The following TMPRSS15 variants were observed in gnomAD, a reference collection of about 807,000 sequenced individuals.
The protein encoded by TMPRSS15 is transmembrane serine protease 15.
A neutral mutation model predicts 125.3 loss-of-function variants in TMPRSS15; 128 were observed. The ratio of observed to expected loss-of-function variants is 1.02; its 90% confidence interval spans 0.89 to 1.18. The LOEUF (loss-of-function observed/expected upper bound fraction) is 1.18, where lower values mean the gene tolerates loss of function less well. Ranked by LOEUF, TMPRSS15 falls within the 50% of genes most tolerant of loss-of-function variation. The probability of loss-of-function intolerance (pLI) is 0.00; values close to 1 mark genes in which losing one functional copy is unlikely to be tolerated. For synonymous variants in TMPRSS15, 446 were observed against 423.2 expected (o/e 1.05, Z -0.66); for missense variants, 1,283 against 1,212.7 (o/e 1.06, Z -0.86).
rs73895634 is a variant in TMPRSS15 at position 18,475,045 on chromosome 21, C to T, written c.10+10754G>A. On this transcript the variant is annotated intron_variant, in intron 1 of 7. Coordinates refer to the TMPRSS15 transcript ENST00000422787. ...CCCACTTCAGTATTCTCCCTCATAA[C>T]GACACTTTTAACATTATTTCTAGGA... 3.3e-3 allele frequency among the ~76,000 whole-genome samples: 504 copies of T among 152,266 alleles called. 1 individual carries two copies. Among genetic ancestry groups the T allele is most frequent in the African/African-American group, 0.012 (488 of 41,562 alleles).
chr21:18,364,180 T>C (rs1331670798), intron 7 of TMPRSS15, among the ~76,000 whole-genome samples: 2 of 152,044 alleles, frequency 1.3e-5, no homozygotes, highest in African/African-American at 2.4e-5. Flanking sequence ...AATATAATCA[T>C]CAATATCAAT....
intron 17 of TMPRSS15, 31 bp downstream of exon 17, chr21:18,315,115 A>G (rs2075147743): frequency 1.3e-6 from 2 of 1,554,210 alleles, no homozygotes; most frequent in African/African-American, 1.4e-5. Flanking sequence ...GGCTAAAGTC[A>G]TAAAAGTATT....
chr21:18,351,628 C>A (rs1300643958), intron 10 of TMPRSS15, among the ~76,000 whole-genome samples: 1 of 152,162 alleles, frequency 6.6e-6, no homozygotes, highest in Non-Finnish European at 1.5e-5. Flanking sequence ...TATAAGTGTC[C>A]TGAGACCTCC....
At chr21:18,467,593 T>C (rs985250433) in intron 1 of TMPRSS15, among the ~76,000 whole-genome samples, 1 of 151,930 alleles carries the variant, frequency 6.6e-6, no homozygotes. Flanking sequence ...TTTAAAAAAT[T>C]GTCTGACTTG....
Position 18,398,298 on chromosome 21 carries a change from T to A in TMPRSS15, c.177A>T (p.Arg59Ser), listed in dbSNP as rs2076059729. ...CTCCGGATGTTATTTTAAATGTCGC[T>A]CTGGCTTCATGACTCTGTCCAAGTG... ...GAALGQSHEA[R>S]ATFKITSGVT... The change falls in exon 2 of 25, where the codon AGA becomes AGT. Residue 59 changes from arginine (R) to serine (S), a missense_variant. By Grantham distance (110) the Arg-to-Ser change is moderately radical. Transcript: ENST00000284885. The A allele has an allele frequency of 1.2e-6, 2 of 1,613,734 alleles. No individual in the cohort carries two copies. Among genetic ancestry groups the A allele is most frequent in the Admixed American group, 1.7e-5 (1 of 59,998 alleles).
intron 1 of TMPRSS15, among the ~76,000 whole-genome samples, chr21:18,414,936 T>C (rs1308449013): frequency 1.3e-5 from 2 of 152,158 alleles, no homozygotes; most frequent in African/African-American, 4.8e-5. Flanking sequence ...AGGACCTCCG[T>C]ACTGTTTTCC....
chr21:18,281,634 A>G (rs2074699258), intron 21 of TMPRSS15, among the ~76,000 whole-genome samples: 1 of 152,140 alleles, frequency 6.6e-6, no homozygotes, highest in Non-Finnish European at 1.5e-5. Context: ...TTGTGCTACT[A>G]TATATAATAT....
rs1568977885 is a variant in TMPRSS15 at position 18,279,009 on chromosome 21, C to T, written c.2719G>A (p.Gly907Arg). Residue 907 changes from glycine (G) to arginine (R), a missense_variant, in exon 23 of 25, where the codon GGA (glycine) becomes AGA (arginine). Transcript: ENST00000284885. ...LPEENQVFPPGRNCSIAGWGT... is the reference protein window; with the variant it reads ...LPEENQVFPPRRNCSIAGWGT... Reference sequence around the variant, plus strand: ...CAACCAGCAATAGAACAATTTCTTCCTGGAGGAAAAACTTGATTTTCTTCC... The same window carrying T: ...CAACCAGCAATAGAACAATTTCTTCTTGGAGGAAAAACTTGATTTTCTTCC... 1 of 1,583,578 alleles carries T rather than the reference C, an allele frequency of 6.3e-7. No individual in the cohort carries two copies. Among genetic ancestry groups the T allele is most frequent in the South Asian group, 1.1e-5 (1 of 90,136 alleles).
upstream of TMPRSS15, among the ~76,000 whole-genome samples, chr21:18,405,658 C>T (rs2076148374): frequency 6.6e-6 from 1 of 152,126 alleles, no homozygotes; most frequent in Admixed American, 6.5e-5. Context: ...AAGAGTGGCT[C>T]TTCAATACAT....
intron 22 of TMPRSS15, among the ~76,000 whole-genome samples, chr21:18,280,090 T>C (rs924315894): frequency 2.0e-5 from 3 of 152,134 alleles, no homozygotes; most frequent in African/African-American, 7.2e-5. Context: ...TCAAACCCCA[T>C]GAAAACACAG....
At chr21:18,290,618 T>C (rs2074822379) in intron 21 of TMPRSS15, among the ~76,000 whole-genome samples, 1 of 152,030 alleles carries the variant, frequency 6.6e-6, no homozygotes, top group South Asian at 2.1e-4. Flanking sequence ...GAAAAAAGTG[T>C]AGCATCCAGA....
Position 18,281,029 on chromosome 21 carries a change from T to C in TMPRSS15, c.2668+11A>G, listed in dbSNP as rs1405988334. 1.9e-6 allele frequency: 3 copies of C among 1,613,172 alleles called. No homozygotes were observed. In the Admixed American group the frequency reaches 5.0e-5, roughly 27 times the overall value. ...CAGATAAGATGACTAAGAGTGATTT[T>C]TTTTTTTTACCTGTGTAATTCACTT... On this transcript the variant is annotated intron_variant, in intron 22 of 24. Coordinates refer to ENST00000284885, the MANE Select transcript of TMPRSS15 (RefSeq NM_002772.3).
At chr21:18,270,173 C>A in intron 24 of TMPRSS15, 49 bp from the exon 25 acceptor site, 2 of 1,472,098 alleles carry the variant, frequency 1.4e-6, no homozygotes, top group Non-Finnish European at 1.9e-6. Context: ...GTCAATTGAT[C>A]GAAACATATA....
chr21:18,279,489 C>G (rs9983629), intron 22 of TMPRSS15, among the ~76,000 whole-genome samples: 2 of 150,560 alleles, frequency 1.3e-5, no homozygotes, highest in East Asian at 3.9e-4. Context: ...CCACGCCTGG[C>G]TAATTTTTTT....
intron 21 of TMPRSS15, 134 bp from the exon 22 acceptor site, chr21:18,281,355 TA>T: frequency 1.2e-6 from 1 of 808,794 alleles, no homozygotes; most frequent in Non-Finnish European, 2.0e-6. Flanking sequence ...AATCATCCTT[TA>T]AAAATATTCT....
At chr21:18,389,544 T>C (rs1264662793) in intron 3 of TMPRSS15, among the ~76,000 whole-genome samples, 1 of 152,172 alleles carries the variant, frequency 6.6e-6, no homozygotes, top group Non-Finnish European at 1.5e-5. Flanking sequence ...ATAGTGAATT[T>C]GCCACTTAGA....
At chr21:18,471,024 A>G (rs143712929) in intron 1 of TMPRSS15, among the ~76,000 whole-genome samples, 335 of 152,120 alleles carry the variant, frequency 2.2e-3, no homozygotes, top group African/African-American at 7.8e-3. Context: ...ATTACCCATG[A>G]TAGTTGATAT....
In TMPRSS15 at chr21:18,343,502, A is replaced by C. The variant is rs759018607; in HGVS notation, c.1428+4T>G. 1 of 1,604,236 alleles carries C rather than the reference A, an allele frequency of 6.2e-7. No homozygotes were observed. Among genetic ancestry groups the C allele is most frequent in the Non-Finnish European group, 8.5e-7 (1 of 1,171,926 alleles). Reference sequence around the variant, plus strand: ...AAATATAAATAATAAAGTATTTTGCAAACCTTAAATTTAACTGTTTCATTT... The same window carrying C: ...AAATATAAATAATAAAGTATTTTGCCAACCTTAAATTTAACTGTTTCATTT... On this transcript the variant is annotated splice_donor_region_variant and intron_variant, in intron 12 of 24. Coordinates refer to ENST00000284885, the MANE Select transcript of TMPRSS15 (RefSeq NM_002772.3).
At chr21:18,297,663 G>C (rs1409694864) in intron 19 of TMPRSS15, 71 bp downstream of exon 19, 2 of 1,144,856 alleles carry the variant, frequency 1.7e-6, no homozygotes, top group Non-Finnish European at 2.6e-6. Flanking sequence ...ATTCAAATCT[G>C]ACTGGCTTCA....
Sources: gnomAD v4.1 joint callset for allele counts (sites outside exome capture counted in the v4.1 genomes callset) on GRCh38, gnomAD v4.1.1 for gene constraint, MANE v1.5 for transcripts, NCBI Gene and HGNC (gene_info 2026-07-23, HGNC 2026-07-21) for gene names.